Variants in FHAD1 observed in about 807,000 individuals in gnomAD.
FHAD1 encodes forkhead-associated domain-containing protein 1.
Under a neutral mutation model 191.3 loss-of-function variants are expected in FHAD1, and 146 were observed. The ratio of observed to expected loss-of-function variants is 0.76; its 90% CI spans 0.67 to 0.88. The LOEUF is 0.88. Among genes scored for constraint, FHAD1 ranks in the 40% least tolerant of loss-of-function variants. The pLI, the probability that FHAD1 is intolerant of heterozygous loss-of-function variation, is 0.00. For missense variants in FHAD1, 1,635 were observed against 1,785.8 expected (o/e 0.92, Z 1.52); for synonymous variants, 616 against 672.3 (o/e 0.92, Z 1.29).
intron 6 of FHAD1, 56 bp from the exon 7 acceptor site, chr1:15,308,555 CTG>C: frequency 6.5e-7 from 1 of 1,543,564 alleles, no homozygotes; most frequent in South Asian, 1.2e-5. Flanking sequence ...TGAGAAGTAC[CTG>C]TGTGTCTCCC....
chr1:15,354,951 G>A (rs1193053581), intron 20 of FHAD1, among the ~76,000 whole-genome samples: 1 of 152,132 alleles, frequency 6.6e-6, no homozygotes, highest in African/African-American at 2.4e-5. Context: ...ACTCACGCCT[G>A]TAATCCCAGC....
intron 3 of FHAD1, among the ~76,000 whole-genome samples, chr1:15,284,118 A>G (rs558147153): frequency 5.3e-5 from 8 of 152,288 alleles, no homozygotes; most frequent in Non-Finnish European, 1.0e-4. Context: ...AGATGGGGCC[A>G]CATATACAAA....
intron 18 of FHAD1, among the ~76,000 whole-genome samples, chr1:15,346,246 G>A (rs879377929): frequency 2.0e-5 from 3 of 152,150 alleles, no homozygotes; most frequent in Non-Finnish European, 4.4e-5. Context: ...GTAGCTCAGC[G>A]ACTAAAAAGG....
intron 27 of FHAD1, 106 bp from the exon 28 acceptor site, chr1:15,375,497 A>G: frequency 8.9e-7 from 1 of 1,122,980 alleles, no homozygotes; most frequent in Admixed American, 3.0e-5. Context: ...GGTCGTAAGG[A>G]TTAAAACAGG....
intron 22 of FHAD1, among the ~76,000 whole-genome samples, chr1:15,361,025 T>C (rs1213149095): frequency 6.6e-6 from 1 of 152,192 alleles, no homozygotes; most frequent in African/African-American, 2.4e-5. Flanking sequence ...AAACATCTCA[T>C]GCAGGGGCCT....
At chr1:15,339,398 T>C (rs1685609829) in intron 14 of FHAD1, 83 bp from the exon 15 acceptor site, 1 of 554,890 alleles carries the variant, frequency 1.8e-6, no homozygotes, top group Admixed American at 3.6e-5. Flanking sequence ...TTTGATGGGA[T>C]GGCAACGTTG....
intron 33 of FHAD1, among the ~76,000 whole-genome samples, chr1:15,392,533 A>G (rs1182293542): frequency 2.8e-5 from 4 of 143,376 alleles, no homozygotes; most frequent in African/African-American, 8.8e-5. Flanking sequence ...TCCGTCTCGA[A>G]AAAAAAAAAA....
At chr1:15,367,416 A>G in intron 24 of FHAD1, 47 bp from the exon 25 acceptor site, 1 of 1,534,864 alleles carries the variant, frequency 6.5e-7, no homozygotes, top group Non-Finnish European at 8.8e-7. Flanking sequence ...GAATCACTTG[A>G]ACCCGGGAGG....
chr1:15,291,298 T>C (rs1664686736), intron 4 of FHAD1, among the ~76,000 whole-genome samples: 1 of 151,742 alleles, frequency 6.6e-6, no homozygotes, highest in South Asian at 2.1e-4. Context: ...GCCAGGCTGG[T>C]CTCAAACTCC....
chr1:15,280,516 A>AGGG (rs1334787718), intron 3 of FHAD1, among the ~76,000 whole-genome samples: 1 of 152,134 alleles, frequency 6.6e-6, no homozygotes, highest in Non-Finnish European at 1.5e-5. Context: ...CAGACAGCCT[A>AGGG]GGGGACTGCA....
intron 16 of FHAD1, among the ~76,000 whole-genome samples, chr1:15,343,571 T>C (rs1388200891): frequency 6.6e-6 from 1 of 152,126 alleles, no homozygotes; most frequent in Non-Finnish European, 1.5e-5. Context: ...TCCTCCTCCT[T>C]CTTCTCTTTG....
intron 3 of FHAD1, among the ~76,000 whole-genome samples, chr1:15,277,570 G>A (rs987228573): frequency 6.6e-6 from 1 of 152,202 alleles, no homozygotes; most frequent in Non-Finnish European, 1.5e-5. Context: ...CCTGAGTCCC[G>A]GTCTGGGAGT....
At chr1:15,310,689 C>G (rs1246664370) in intron 7 of FHAD1, among the ~76,000 whole-genome samples, 3 of 152,216 alleles carry the variant, frequency 2.0e-5, no homozygotes, top group Non-Finnish European at 4.4e-5. Flanking sequence ...AGCCTCCCGG[C>G]TGCTGCTTGT....
intron 20 of FHAD1, among the ~76,000 whole-genome samples, chr1:15,355,732 G>A (rs1209216726): frequency 1.3e-5 from 2 of 152,128 alleles, no homozygotes; most frequent in African/African-American, 2.4e-5. Context: ...GAGGTCCTCC[G>A]TGGAATATCC....
chr1:15,253,148 C>CTGTG (rs5772631), intron 2 of FHAD1, among the ~76,000 whole-genome samples: 37,862 of 145,896 alleles, frequency 0.26, 5,015 homozygotes, highest in Non-Finnish European at 0.3. Context: ...GACATAAGTG[C>CTGTG]TGTGTGTGTG....
chr1:15,379,475 G>T lies in FHAD1; in HGVS notation c.3706-1226G>T, dbSNP rs532597982. On this transcript the variant is annotated intron_variant, in intron 28 of 33. Transcript: ENST00000688493. ...TTATACCGAGACATTCCATTGCCCA[G>T]GGACGGGCAGGAGACAGATGCCTTC... is the stretch of plus-strand genomic sequence containing the variant. Among the ~76,000 whole-genome samples, 4 of 152,298 alleles carry T rather than the reference G, an allele frequency of 2.6e-5. No individual in the cohort carries two copies. In the East Asian group the frequency reaches 7.7e-4, roughly 29 times the overall value.
At position 15,352,863 on chromosome 1, in the gene FHAD1, T is replaced by C; in HGVS notation, c.2455-14T>C. 1.3e-6 allele frequency: 2 copies of C among 1,548,004 alleles called. No homozygotes were observed. Among genetic ancestry groups the C allele is most frequent in the Non-Finnish European group, 1.7e-6 (2 of 1,143,958 alleles). ...GAGGGCACAGGCCCTCAAACCACTT[T>C]CATTGACTTCCAGATCTCAGAGAGC... is the stretch of plus-strand genomic sequence containing the variant. On this transcript the variant is annotated splice_polypyrimidine_tract_variant and intron_variant, in intron 19 of 33. Coordinates refer to ENST00000688493, the MANE Select transcript of FHAD1 (RefSeq NM_001391957.1).
chr1:15,252,663 T>G (rs975185308), intron 2 of FHAD1, among the ~76,000 whole-genome samples: 2 of 152,192 alleles, frequency 1.3e-5, no homozygotes, highest in Non-Finnish European at 2.9e-5. Flanking sequence ...GCTTTGGCCT[T>G]TGCCTGCTCT....
At chr1:15,323,276 CA>C (rs1676987256) in intron 10 of FHAD1, among the ~76,000 whole-genome samples, 1 of 152,174 alleles carries the variant, frequency 6.6e-6, no homozygotes, top group African/African-American at 2.4e-5. Flanking sequence ...ACAGGACTGC[CA>C]GAGCTGGGGC....
Sources: gnomAD v4.1 joint callset for allele counts (sites outside exome capture counted in the v4.1 genomes callset) on GRCh38, gnomAD v4.1.1 for gene constraint, MANE v1.5 for transcripts, NCBI Gene and HGNC (gene_info 2026-07-23, HGNC 2026-07-21) for gene names.